The following CDH12 variants were observed in gnomAD, a reference collection of about 807,000 sequenced individuals.
CDH12 encodes cadherin 12.
In CDH12, 41 loss-of-function variants were observed where a neutral mutation model predicts 74.1. The ratio of observed to expected loss-of-function variants is 0.55; its 90% CI spans 0.43 to 0.72. CDH12 has a LOEUF of 0.72. Ranked by LOEUF, CDH12 falls within the 30% of genes least tolerant of loss-of-function variation. The probability of loss-of-function intolerance (pLI) is 0.00; values close to 1 mark genes in which losing one functional copy is unlikely to be tolerated. For synonymous variants in CDH12, 399 were observed against 355.0 expected (o/e 1.12, Z -1.39); for missense variants, 945 against 977.2 (o/e 0.97, Z 0.44).
Position 22,265,417 on chromosome 5 carries a change from C to T in CDH12, c.-332-52774G>A, listed in dbSNP as rs76298796. 3.3e-3 allele frequency among the ~76,000 whole-genome samples: 506 copies of T among 152,198 alleles called. 1 individual carries two copies. Among genetic ancestry groups the T allele is most frequent in the African/African-American group, 0.012 (479 of 41,530 alleles). ...ATTTTAACAAGCTAGTTACTATAGT[C>T]TTAACTTCAGGAATACTTAACTACT... On this transcript the variant is annotated intron_variant, in intron 3 of 14. Transcript: ENST00000382254.
chr5:22,507,139 G>A (rs573877228), intron 1 of CDH12, among the ~76,000 whole-genome samples: 15 of 152,034 alleles, frequency 9.9e-5, no homozygotes, highest in Admixed American at 5.3e-4. Context: ...TTTTAATACC[G>A]TGTGCATACA....
At chr5:22,471,852 C>CTGGATCTGT (rs1198462008) in intron 2 of CDH12, among the ~76,000 whole-genome samples, 1 of 152,134 alleles carries the variant, frequency 6.6e-6, no homozygotes, top group East Asian at 1.9e-4. Flanking sequence ...GATTGTGTTG[C>CTGGATCTGT]TGGATCTGTT....
chr5:22,803,298 C>A (rs755078933), intron 1 of CDH12, among the ~76,000 whole-genome samples: 11 of 152,054 alleles, frequency 7.2e-5, no homozygotes, highest in South Asian at 2.1e-4. Context: ...GAAGGGCCTA[C>A]TACTATAATT....
chr5:22,699,261 T>G (rs1177452854), intron 1 of CDH12, among the ~76,000 whole-genome samples: 1 of 152,192 alleles, frequency 6.6e-6, no homozygotes, highest in Non-Finnish European at 1.5e-5. Flanking sequence ...TAAAAATCTT[T>G]AATGTTGTGG....
intron 12 of CDH12, among the ~76,000 whole-genome samples, chr5:21,764,397 T>TA (rs767887304): frequency 1.5e-4 from 19 of 131,024 alleles, no homozygotes; most frequent in East Asian, 6.7e-4. Context: ...AAATACAAAT[T>TA]AAAAAAAAGA....
At chr5:22,836,680 T>G (rs563608731) in intron 1 of CDH12, among the ~76,000 whole-genome samples, 16 of 152,264 alleles carry the variant, frequency 1.1e-4, no homozygotes, top group African/African-American at 3.8e-4. Flanking sequence ...AATTCAGGTG[T>G]TTATTCAAAA....
At chr5:21,988,729 T>G (rs2150133601) in intron 5 of CDH12, among the ~76,000 whole-genome samples, 1 of 152,212 alleles carries the variant, frequency 6.6e-6, no homozygotes, top group South Asian at 2.1e-4. Flanking sequence ...AAAGGTTGAA[T>G]AGAGGACCTT....
Position 21,766,607 on chromosome 5 carries a change from C to G in CDH12, c.1394-1508G>C, listed in dbSNP as rs564367512. Among the ~76,000 whole-genome samples, 310 of 151,984 alleles carry G rather than the reference C, an allele frequency of 2.0e-3. 1 individual carries two copies. The highest frequency in any genetic ancestry group is 6.8e-3 in the Middle Eastern group (2 of 294). On this transcript the variant is annotated intron_variant, in intron 11 of 14. Transcript: ENST00000382254. ...TGATAAATTTTGGTAAATATCATTA[C>G]TCATTACCATTTATACTTTGTGGAG...
chr5:22,176,175 C>T (rs1561191341), intron 4 of CDH12, among the ~76,000 whole-genome samples: 1 of 151,814 alleles, frequency 6.6e-6, no homozygotes, highest in Non-Finnish European at 1.5e-5. Flanking sequence ...ATGTCCATAT[C>T]ATCCTTATAA....
At chr5:22,117,004 T>G (rs571102255) in intron 4 of CDH12, among the ~76,000 whole-genome samples, 81 of 151,552 alleles carry the variant, frequency 5.3e-4, no homozygotes, top group African/African-American at 2.0e-3. Flanking sequence ...AAGAAATGAA[T>G]GAACAGAGAA....
chr5:21,896,243 T>C (rs1753118662), intron 6 of CDH12, among the ~76,000 whole-genome samples: 1 of 152,176 alleles, frequency 6.6e-6, no homozygotes, highest in Non-Finnish European at 1.5e-5. Context: ...CAAATACATA[T>C]TTATATGAGC....
intron 1 of CDH12, among the ~76,000 whole-genome samples, chr5:22,636,791 C>T (rs1339268585): frequency 6.6e-6 from 1 of 152,178 alleles, no homozygotes; most frequent in African/African-American, 2.4e-5. Flanking sequence ...ACATTTTATA[C>T]TTTAACTGGT....
intron 1 of CDH12, among the ~76,000 whole-genome samples, chr5:22,550,301 T>C (rs1287192126): frequency 6.6e-6 from 1 of 152,298 alleles, no homozygotes; most frequent in East Asian, 1.9e-4. Context: ...TGAACACTTA[T>C]CTCATTTAGA....
At chr5:21,764,090 G>C (rs954187772) in intron 12 of CDH12, among the ~76,000 whole-genome samples, 1 of 151,210 alleles carries the variant, frequency 6.6e-6, no homozygotes, top group East Asian at 1.9e-4. Flanking sequence ...ATTTGTGTGT[G>C]GGGGCTGGGT....
intron 5 of CDH12, among the ~76,000 whole-genome samples, chr5:22,015,590 CATCATGTCCTTTGTT>C (rs1387640507): frequency 6.6e-6 from 1 of 152,112 alleles, no homozygotes; most frequent in East Asian, 1.9e-4. Flanking sequence ...GGCCCATGTT[CATCATGTCCTTTGTT>C]ATATCATCTA....
chr5:21,920,568 C>T (rs1561299653), intron 6 of CDH12, among the ~76,000 whole-genome samples: 1 of 151,584 alleles, frequency 6.6e-6, no homozygotes, highest in Non-Finnish European at 1.5e-5. Flanking sequence ...AGGATAAATA[C>T]CTAATGTATA....
intron 2 of CDH12, among the ~76,000 whole-genome samples, chr5:22,500,913 C>A (rs543164624): frequency 6.6e-6 from 1 of 151,798 alleles, no homozygotes; most frequent in African/African-American, 2.4e-5. Flanking sequence ...ATCACTCCTG[C>A]AGTATAATTT....
At chr5:22,140,653 C>T (rs1746736863) in intron 4 of CDH12, among the ~76,000 whole-genome samples, 1 of 152,034 alleles carries the variant, frequency 6.6e-6, no homozygotes, top group African/African-American at 2.4e-5. Context: ...TATCCTGAGC[C>T]CTCAACTTGC....
chr5:22,062,264 T>G (rs1230706241), intron 5 of CDH12, among the ~76,000 whole-genome samples: 4 of 152,104 alleles, frequency 2.6e-5, no homozygotes, highest in Non-Finnish European at 5.9e-5. Flanking sequence ...ATGCAATAAA[T>G]AAATTGTAAA....
Sources: gnomAD v4.1 joint callset for allele counts (sites outside exome capture counted in the v4.1 genomes callset) on GRCh38, gnomAD v4.1.1 for gene constraint, MANE v1.5 for transcripts, NCBI Gene and HGNC (gene_info 2026-07-23, HGNC 2026-07-21) for gene names.